The following PIK3CD variants were observed in gnomAD, a reference collection of about 807,000 sequenced individuals.
PIK3CD encodes the protein phosphatidylinositol 4,5-bisphosphate 3-kinase catalytic subunit delta isoform.
PIK3CD carries 20 observed loss-of-function variants against 122.9 expected under a neutral mutation model. That is an observed-to-expected ratio of 0.16 (90% CI 0.11 to 0.24). The LOEUF is 0.24. Among genes scored for constraint, PIK3CD ranks in the 10% least tolerant of loss-of-function variants. The pLI is 1.00. For synonymous variants in PIK3CD, 596 were observed against 593.4 expected (o/e 1.00, Z -0.06); for missense variants, 787 against 1,406.3 (o/e 0.56, Z 7.04).
At position 9,728,641 on chromosome 1, in the gene PIK3CD, G is replaced by A. The variant is rs1404211139; in HGVS notation, c.*1595G>A. The A allele has an allele frequency of 1.3e-5, 2 of 152,238 alleles. No homozygotes were observed. Among genetic ancestry groups the A allele is most frequent in the Non-Finnish European group, 2.9e-5 (2 of 68,046 alleles). 9.4% of individuals were successfully genotyped at this position (152,238 alleles called of 1,614,324 possible). ...TCCCAGCAAGTGCTGAAACTCACTAGACCGTCTGCCTGTTTCGAAATGGGG... is the reference window on the plus strand; with the variant it reads ...TCCCAGCAAGTGCTGAAACTCACTAAACCGTCTGCCTGTTTCGAAATGGGG... On this transcript the variant is annotated 3_prime_UTR_variant, in exon 24 of 24. Transcript: ENST00000377346.
Position 9,720,656 on chromosome 1 carries a change from G to A in PIK3CD, c.1516G>A (p.Glu506Lys). The A allele has an allele frequency of 3.3e-6, 5 of 1,535,466 alleles. No individual in the cohort carries two copies. Among genetic ancestry groups the A allele is most frequent in the Non-Finnish European group, 4.4e-6 (5 of 1,141,412 alleles). ...CAGCGAGTGTGTGCATGTCACCGAG[G>A]AGGAGGTGAGTGGGGTGGGGGTGTG... ...RHSECVHVTE[E>K]EQLQLREILE... The change falls in exon 12 of 24, where the codon GAG becomes AAG. Residue 506 changes from glutamate to lysine, a missense_variant. Glu to Lys is a moderately conservative substitution (Grantham distance 56). Transcript: ENST00000377346. The surrounding 1 kb of genome is among the most constrained non-coding windows in gnomAD (Gnocchi z 9.0).
chr1:9,629,061 T>C, the PIK3CD span, among the ~76,000 whole-genome samples: 1 of 152,120 alleles, frequency 6.6e-6, no homozygotes, highest in African/African-American at 2.4e-5. Context: ...CTCTCCCCAC[T>C]GTCACCCCAG....
chr1:9,678,624 G>T (rs1042128690), intron 1 of PIK3CD, among the ~76,000 whole-genome samples: 2 of 152,256 alleles, frequency 1.3e-5, no homozygotes, highest in East Asian at 1.9e-4. Flanking sequence ...TGCAGGGAAG[G>T]ACTGTTTAGG....
Position 9,721,548 on chromosome 1 carries a change from C to A in PIK3CD, c.1916C>A (p.Ala639Asp). Residue 639 changes from alanine (A) to aspartate (D), a missense_variant, in exon 15 of 24, where the codon GCC becomes GAC. Around this residue, in one of 6 missense-constraint regions of PIK3CD, gnomAD observed 592 missense variants for 920.6 expected, o/e 0.64. Coordinates refer to ENST00000377346, the MANE Select transcript of PIK3CD (RefSeq NM_005026.5). ...AAATTCCTGCTGGACCGGGCCCTGG[C>A]CAACCGCAAGATCGGCCACTTCCTT... The part of the protein sequence containing the change: ...LTKFLLDRAL[A>D]NRKIGHFLFW... The A allele has an allele frequency of 6.2e-7, 1 of 1,613,716 alleles. No homozygotes were observed. The highest frequency in any genetic ancestry group is 8.5e-7 in the Non-Finnish European group (1 of 1,180,024).
intron 1 of PIK3CD, among the ~76,000 whole-genome samples, chr1:9,671,459 A>G (rs1445033496): frequency 6.6e-6 from 1 of 152,132 alleles, no homozygotes; most frequent in Non-Finnish European, 1.5e-5. Context: ...CCTCTCAAGT[A>G]GCTGGGACTA....
At chr1:9,673,209 C>T (rs921571980) in intron 1 of PIK3CD, among the ~76,000 whole-genome samples, 4 of 151,672 alleles carry the variant, frequency 2.6e-5, no homozygotes, top group African/African-American at 9.7e-5. Flanking sequence ...ACCCATCTTC[C>T]TGCCTCAGCC....
Position 9,717,452 on chromosome 1 carries a change from C to G in PIK3CD, c.931-85C>G. 7.5e-7 allele frequency: 1 copy of G among 1,324,792 alleles called. No homozygotes were observed. The highest frequency in any genetic ancestry group is 1.2e-5 in the South Asian group (1 of 85,434). The allele number at this position is 1,324,792 out of a possible 1,614,324, so 82.1% of individuals were successfully genotyped here. A position where few individuals can be genotyped will look rare whatever the true frequency, so the allele number is the denominator to read the frequency against. On this transcript the variant is annotated intron_variant, in intron 7 of 23. Transcript: ENST00000377346. The surrounding 1 kb of genome is among the most constrained non-coding windows in gnomAD (Gnocchi z 5.4). The stretch of plus-strand genomic sequence containing the variant: ...AAACCTGTGACCCTCTCACCCGCCC[C>G]CAAGTGGTCACGGGCCTCACCATAG...
At chr1:9,661,961 A>C (rs1049539158) in intron 1 of PIK3CD, among the ~76,000 whole-genome samples, 1 of 151,794 alleles carries the variant, frequency 6.6e-6, no homozygotes, top group Non-Finnish European at 1.5e-5. Flanking sequence ...GCACCACTGC[A>C]CTCCAGCCTG....
chr1:9,665,402 C>T (rs1239456451), intron 1 of PIK3CD, among the ~76,000 whole-genome samples: 5 of 151,408 alleles, frequency 3.3e-5, no homozygotes, highest in African/African-American at 4.9e-5. Flanking sequence ...TACAGGCGCA[C>T]GCCGCCATGC....
intron 1 of PIK3CD, chr1:9,654,485 A>AC (rs55851927): frequency 7.9e-7 from 1 of 1,259,752 alleles, no homozygotes; most frequent in Non-Finnish European, 1.1e-6. Flanking sequence ...TGGTTGTGCG[A>AC]AAGCCAGCCC....
At chr1:9,707,350 C>A (rs551822185) in intron 2 of PIK3CD, among the ~76,000 whole-genome samples, 1 of 143,212 alleles carries the variant, frequency 7.0e-6, no homozygotes. Flanking sequence ...TTGAGTGTTA[C>A]ATTTTTCTTT....
intron 1 of PIK3CD, among the ~76,000 whole-genome samples, chr1:9,670,768 T>G (rs570645619): frequency 4.0e-5 from 6 of 151,186 alleles, no homozygotes; most frequent in South Asian, 2.1e-4. Context: ...TTGTTTTTGG[T>G]TTTTTTTTAG....
intron 3 of PIK3CD, among the ~76,000 whole-genome samples, chr1:9,713,115 G>A (rs1647123328): frequency 6.6e-6 from 1 of 152,160 alleles, no homozygotes; most frequent in Non-Finnish European, 1.5e-5. Context: ...CCTGGGAGGT[G>A]GAGGTTGCAG....
chr1:9,709,655 G>A lies in PIK3CD; in HGVS notation c.-32-769G>A, dbSNP rs1646972999. 2.0e-5 allele frequency among the ~76,000 whole-genome samples: 3 copies of A among 151,848 alleles called. No individual in the cohort carries two copies. The South Asian group carries it at 6.2e-4, about 31-fold the overall frequency. ...AGGAATTTGTGTTACAGTGAGCTATGATGGCACCACTGTACTCCAGCTGGG... is the reference window on the plus strand; with the variant it reads ...AGGAATTTGTGTTACAGTGAGCTATAATGGCACCACTGTACTCCAGCTGGG... On this transcript the variant is annotated intron_variant, in intron 2 of 23. Coordinates refer to ENST00000377346, the MANE Select transcript of PIK3CD (RefSeq NM_005026.5).
At chr1:9,716,198 C>T in intron 5 of PIK3CD, 120 bp downstream of exon 5, 1 of 955,904 alleles carries the variant, frequency 1.0e-6, no homozygotes, top group Non-Finnish European at 1.6e-6. Context: ...TGGTGTTTGC[C>T]AGGTGTCTGT....
chr1:9,702,630 C>T (rs1485361032), intron 2 of PIK3CD, among the ~76,000 whole-genome samples: 5 of 144,296 alleles, frequency 3.5e-5, no homozygotes, highest in South Asian at 2.3e-4. Flanking sequence ...AAGCGATTCT[C>T]CTGCCTCAGC....
At chr1:9,656,291 A>G (rs564836172) in intron 1 of PIK3CD, among the ~76,000 whole-genome samples, 3 of 152,162 alleles carry the variant, frequency 2.0e-5, no homozygotes, top group African/African-American at 4.8e-5. Flanking sequence ...GAATATTTGC[A>G]TTATATGCTT....
rs187017655 is a variant in PIK3CD, at chr1:9,695,351, C to T, written c.-33+3780C>T. Among the ~76,000 whole-genome samples, 351 of 152,246 alleles carry T rather than the reference C, an allele frequency of 2.3e-3. 1 individual carries two copies. The highest frequency in any genetic ancestry group is 8.1e-3 in the African/African-American group (338 of 41,536). On this transcript the variant is annotated intron_variant, in intron 2 of 23. Transcript: ENST00000377346. ...AAGTATGTAGGAAACAATTCTAGAA[C>T]TGAAGGCATTTCTACTTTTAAACAG...
At chr1:9,725,083 A>C (rs1649302514) in intron 23 of PIK3CD, 147 bp downstream of exon 23, 1 of 1,070,740 alleles carries the variant, frequency 9.3e-7, no homozygotes, top group East Asian at 2.6e-5. Context: ...CCAGCAGTGG[A>C]GCTGGTGGGC....
Sources: gnomAD v4.1 joint callset for allele counts (sites outside exome capture counted in the v4.1 genomes callset) on GRCh38, gnomAD v4.1.1 for gene constraint, gnomAD v4.1.1 regional missense constraint, Gnocchi (gnomAD v3.1) non-coding constraint, MANE v1.5 for transcripts, NCBI Gene and HGNC (gene_info 2026-07-23, HGNC 2026-07-21) for gene names.